The following ZNF778 variants were observed in gnomAD, a reference collection of about 807,000 sequenced individuals.
The protein encoded by ZNF778 is zinc finger protein 778.
A neutral mutation model predicts 23.9 loss-of-function variants in ZNF778; 37 were observed. That is an observed-to-expected ratio of 1.54 (90% confidence interval 1.19 to 2.03). The LOEUF (loss-of-function observed/expected upper bound fraction) is 2.03. Among genes scored for constraint, ZNF778 ranks in the 30% most tolerant of loss-of-function variants. The pLI is 0.00. For synonymous variants in ZNF778, 483 were observed against 343.9 expected, an observed-to-expected ratio of 1.40 and a Z score of -4.48; for missense variants, 1,297 against 934.4, an observed-to-expected ratio of 1.39 and a Z score of -5.06.
chr16:89,232,625 C>A lies in ZNF778; in HGVS notation c.*4063C>A. ...CAGAGTAAGATAAAATATTAAAGGA[C>A]CAATTGTATTAATTATGTTTTTTTT... On this transcript the variant is annotated 3_prime_UTR_variant, in exon 7 of 7. Transcript: ENST00000433976. The A allele has an allele frequency of 8.4e-7, 1 of 1,186,536 alleles. No individual in the cohort carries two copies. Among genetic ancestry groups the A allele is most frequent in the Non-Finnish European group, 1.1e-6 (1 of 944,006 alleles). The allele number at this position is 1,186,536 out of a possible 1,614,324, so 73.5% of individuals were successfully genotyped here. A position where few individuals can be genotyped will look rare whatever the true frequency, so the allele number is the denominator to read the frequency against.
chr16:89,224,521 A>C, intron 4 of ZNF778, 198 bp from the exon 5 acceptor site: 1 of 481,426 alleles, frequency 2.1e-6, no homozygotes, highest in South Asian at 2.4e-5. Context: ...TAGGAGGCTG[A>C]GGCAAGAGAA....
Position 89,227,438 on chromosome 16 carries a change from G to A in ZNF778, c.1150G>A (p.Gly384Arg). Reference sequence around the variant, plus strand: ...TGGGTTTTATCTACTGAATGAGCATGGAAAAACTCACACGAGGGAGAAGCC... The same window carrying A: ...TGGGTTTTATCTACTGAATGAGCATAGAAAAACTCACACGAGGGAGAAGCC... ...CGGFYLLNEHGKTHTREKPFA... is the reference protein window; with the variant it reads ...CGGFYLLNEHRKTHTREKPFA... Residue 384 changes from glycine (G) to arginine (R), a missense_variant, in exon 7 of 7, where the codon GGA (glycine) becomes AGA (arginine). Gly to Arg is a moderately radical substitution (Grantham distance 125, BLOSUM62 -2). Coordinates refer to ENST00000433976, the MANE Select transcript of ZNF778 (RefSeq NM_001201407.2). 4 of 1,613,856 alleles carry A rather than the reference G, an allele frequency of 2.5e-6. No homozygotes were observed. Among genetic ancestry groups the A allele is most frequent in the Non-Finnish European group, 2.5e-6 (3 of 1,179,856 alleles).
chr16:89,221,106 A>G lies in ZNF778; in HGVS notation c.-22A>G. The stretch of plus-strand genomic sequence containing the variant: ...TTGGCTTCAGGAAAGGAGCATTCAG[A>G]CGCTTCCGTCAGCCTCCCAGGATGG... On this transcript the variant is annotated 5_prime_UTR_variant, in exon 2 of 7. Transcript: ENST00000433976. The G allele has an allele frequency of 6.4e-7, 1 of 1,565,030 alleles. No homozygotes were observed. The highest frequency in any genetic ancestry group is 2.4e-5 in the East Asian group (1 of 42,064).
At position 89,221,152 on chromosome 16, in the gene ZNF778, G is replaced by T. The variant is rs763303975; in HGVS notation, c.25G>T (p.Gly9Ter). 6.4e-7 allele frequency: 1 copy of T among 1,562,476 alleles called. No homozygotes were observed. Among genetic ancestry groups the T allele is most frequent in the African/African-American group, 1.4e-5 (1 of 73,696 alleles). MAAPDLAHGGHVSRDSVCL... is the reference protein window; with the variant it reads MAAPDLAH ...GATGGCAGCCCCTGACCTGGCCCAC[G>T]GTAAGTCCTGGTGGGGCTCCTTCTC... The change falls in exon 2 of 7, where the codon GGA becomes TGA. Residue 9 changes from glycine to a stop codon, truncating the protein, a stop_gained and splice_region_variant. Transcript: ENST00000433976. LOFTEE classifies it high-confidence loss of function.
At position 89,233,881 on chromosome 16, in the gene ZNF778, T is replaced by C. The variant is rs1197730326; in HGVS notation, c.*5319T>C. ...TCTAACTACCACACCAAGCCAGTAT[T>C]TCTCCTCCCTGAAGTCAGCCCAGGA... On this transcript the variant is annotated 3_prime_UTR_variant, in exon 7 of 7. Transcript: ENST00000433976. 7.0e-6 allele frequency: 9 copies of C among 1,289,612 alleles called. No homozygotes were observed. The highest frequency in any genetic ancestry group is 9.1e-6 in the Non-Finnish European group (9 of 989,060). 79.9% of individuals were successfully genotyped at this position (1,289,612 alleles called of 1,614,324 possible).
chr16:89,234,357 G>A lies in ZNF778; in HGVS notation c.*5795G>A, dbSNP rs889522779. 4.4e-5 allele frequency: 13 copies of A among 292,606 alleles called. No individual in the cohort carries two copies. The highest frequency in any genetic ancestry group is 2.6e-4 in the African/African-American group (12 of 45,960). 18.1% of individuals were successfully genotyped at this position (292,606 alleles called of 1,614,324 possible). ...TCGTTCAACCTTCTTAGGGAGTGAC[G>A]TTTTTTCCAAAGTGGTTGTGAAACA... On this transcript the variant is annotated 3_prime_UTR_variant, in exon 7 of 7. Coordinates refer to ENST00000433976, the MANE Select transcript of ZNF778 (RefSeq NM_001201407.2).
chr16:89,226,952 G>C lies in ZNF778; in HGVS notation c.664G>C (p.Asp222His). Reference protein sequence around the residue: ...NVVSQQACTRDRSLDYSSCGE... With the variant: ...NVVSQQACTRHRSLDYSSCGE... ...TGTTTCCCAGCAAGCATGCACTCGG[G>C]ACAGATCTCTTGACTACAGCAGCTG... Residue 222 changes from aspartate (D) to histidine (H), a missense_variant, in exon 7 of 7, where the codon GAC becomes CAC. By Grantham distance (81) the Asp-to-His change is moderately conservative. Coordinates refer to ENST00000433976, the MANE Select transcript of ZNF778 (RefSeq NM_001201407.2). The C allele has an allele frequency of 6.2e-7, 1 of 1,614,022 alleles. No individual in the cohort carries two copies. The highest frequency in any genetic ancestry group is 8.5e-7 in the Non-Finnish European group (1 of 1,179,900).
chr16:89,226,665 C>T, intron 6 of ZNF778, 29 bp from the exon 7 acceptor site: 1 of 1,580,784 alleles, frequency 6.3e-7, no homozygotes, highest in Non-Finnish European at 8.6e-7. Context: ...TCAGTAACCC[C>T]CTGACCACCA....
At chr16:89,223,643 T>C (rs2031182238) in intron 4 of ZNF778, among the ~76,000 whole-genome samples, 1 of 152,234 alleles carries the variant, frequency 6.6e-6, no homozygotes, top group Non-Finnish European at 1.5e-5. Context: ...AGATCTCTTA[T>C]TGCACTTCTG....
In ZNF778 at chr16:89,227,166, C is replaced by T. The variant is rs531087586; in HGVS notation, c.878C>T (p.Thr293Ile). The T allele has an allele frequency of 3.1e-6, 5 of 1,613,882 alleles. No homozygotes were observed. The highest frequency in any genetic ancestry group is 4.2e-6 in the Non-Finnish European group (5 of 1,179,904). The change falls in exon 7 of 7, where the codon ACT becomes ATT. Residue 293 changes from threonine to isoleucine, a missense_variant. Coordinates refer to ENST00000433976, the MANE Select transcript of ZNF778 (RefSeq NM_001201407.2). ...CRECGKAFRY[T>I]AYLTGRVQVH... ...GAATGTGGGAAGGCCTTTAGGTACA[C>T]TGCCTACCTTACTGGTCGCGTGCAA... is the stretch of plus-strand genomic sequence containing the variant.
chr16:89,224,501 C>G, intron 4 of ZNF778: 1 of 448,106 alleles, frequency 2.2e-6, no homozygotes, highest in Non-Finnish European at 4.2e-6. Context: ...CACCTATAGT[C>G]CCAGCTACTT....
Position 89,234,016 on chromosome 16 carries a change from C to A in ZNF778, c.*5454C>A, listed in dbSNP as rs961140626. 6 of 1,112,510 alleles carry A rather than the reference C, an allele frequency of 5.4e-6. No individual in the cohort carries two copies. The highest frequency in any genetic ancestry group is 7.3e-6 in the Non-Finnish European group (6 of 827,448). The allele number at this position is 1,112,510 out of a possible 1,614,324, so 68.9% of individuals were successfully genotyped here. A position where few individuals can be genotyped will look rare whatever the true frequency, so the allele number is the denominator to read the frequency against. On this transcript the variant is annotated 3_prime_UTR_variant, in exon 7 of 7. Transcript: ENST00000433976. ...CCTGTCCTGCCTTTCCTGTGAAAACCCTGTGGCCTCTGCCTCCCCTGGCTC... is the reference window on the plus strand; with the variant it reads ...CCTGTCCTGCCTTTCCTGTGAAAACACTGTGGCCTCTGCCTCCCCTGGCTC...
chr16:89,225,110 GGTT>G (rs1455563614), intron 5 of ZNF778, among the ~76,000 whole-genome samples: 3 of 105,642 alleles, frequency 2.8e-5, no homozygotes, highest in Admixed American at 1.5e-4. Flanking sequence ...TCAGTTTGTG[GGTT>G]TTTTTTTTTT....
rs1567517355 is a variant in ZNF778, at chr16:89,234,059, C to T, written c.*5497C>T. On this transcript the variant is annotated 3_prime_UTR_variant, in exon 7 of 7. Transcript: ENST00000433976. The stretch of plus-strand genomic sequence containing the variant: ...CCTGGCTCTGACTTCTGCCTCCTGC[C>T]CAGCTCTGCAGCTCCCCTTGGGCCC... 2 of 755,114 alleles carry T rather than the reference C, an allele frequency of 2.6e-6. No homozygotes were observed. The highest frequency in any genetic ancestry group is 4.0e-6 in the Non-Finnish European group (2 of 500,380). 46.8% of individuals were successfully genotyped at this position (755,114 alleles called of 1,614,324 possible).
At position 89,225,499 on chromosome 16, in the gene ZNF778, T is replaced by C; in HGVS notation, c.329-56T>C. The C allele has an allele frequency of 2.1e-6, 3 of 1,411,594 alleles. No homozygotes were observed. In the African/African-American group the frequency reaches 4.3e-5, roughly 20 times the overall value. The allele number at this position is 1,411,594 out of a possible 1,614,324, so 87.4% of individuals were successfully genotyped here. On this transcript the variant is annotated intron_variant, in intron 5 of 6. Transcript: ENST00000433976. ...GTTTTTTTTTCTGCCATGTCTTATATGAAAACAAATACCAATGAGTTTGAT... is the reference window on the plus strand; with the variant it reads ...GTTTTTTTTTCTGCCATGTCTTATACGAAAACAAATACCAATGAGTTTGAT...
At position 89,228,181 on chromosome 16, in the gene ZNF778, C is replaced by G; in HGVS notation, c.1893C>G (p.His631Gln). The G allele has an allele frequency of 6.2e-7, 1 of 1,613,506 alleles. No individual in the cohort carries two copies. Among genetic ancestry groups the G allele is most frequent in the South Asian group, 1.1e-5 (1 of 91,040 alleles). ...VCGKAFTTSS[H>Q]LIVHIRTHTG... is the part of the protein sequence containing the mutation. ...GAAAGGCCTTCACCACATCCTCACA[C>G]CTTATCGTGCACATAAGAACCCACA... is the stretch of plus-strand genomic sequence containing the variant. The change falls in exon 7 of 7, where the codon CAC (histidine) becomes CAG (glutamine). Residue 631 changes from histidine to glutamine, a missense_variant. His to Gln is a conservative substitution (Grantham distance 24). Transcript: ENST00000433976.
At chr16:89,219,246 C>A (rs2030678649) in intron 1 of ZNF778, among the ~76,000 whole-genome samples, 1 of 152,318 alleles carries the variant, frequency 6.6e-6, no homozygotes, top group East Asian at 1.9e-4. Flanking sequence ...TTATCTGTTC[C>A]CATCGTTTAT....
intron 4 of ZNF778, among the ~76,000 whole-genome samples, chr16:89,224,057 A>G (rs2031229293): frequency 6.7e-6 from 1 of 149,580 alleles, no homozygotes; most frequent in African/African-American, 2.5e-5. Context: ...TAGGGCTGTA[A>G]TCCGAGCACT....
At position 89,223,250 on chromosome 16, in the gene ZNF778, A is replaced by G. The variant is rs199882895; in HGVS notation, c.211A>G (p.Met71Val). 1.2e-6 allele frequency: 2 copies of G among 1,613,868 alleles called. No homozygotes were observed. The highest frequency in any genetic ancestry group is 4.5e-5 in the East Asian group (2 of 44,872). The change falls in exon 4 of 7, where the codon ATG (methionine) becomes GTG (valine). Residue 71 changes from methionine (M) to valine (V), a missense_variant. Physicochemically the swap from Met to Val is conservative, Grantham distance 21. Coordinates refer to ENST00000433976, the MANE Select transcript of ZNF778 (RefSeq NM_001201407.2). ...TCAGAGAGACCTCTACAGAGATGTGATGCTGGAAAACTACGAGAACCTGGC... is the reference window on the plus strand; with the variant it reads ...TCAGAGAGACCTCTACAGAGATGTGGTGCTGGAAAACTACGAGAACCTGGC... ...PSQRDLYRDVMLENYENLASV... is the reference protein window; with the variant it reads ...PSQRDLYRDVVLENYENLASV...
Sources: allele counts gnomAD v4.1 joint callset (sites outside exome capture counted in the v4.1 genomes callset), GRCh38; gene constraint gnomAD v4.1.1; transcripts MANE v1.5; gene names NCBI Gene and HGNC (gene_info 2026-07-23, HGNC 2026-07-21).